MIER1: variants seen among roughly 807,000 people sequenced by gnomAD.
The protein encoded by MIER1 is MIER1 transcriptional regulator.
Under a neutral mutation model 75.7 loss-of-function variants are expected in MIER1, and 40 were observed. The observed-to-expected ratio is 0.53, with a 90% CI of 0.41 to 0.69. The LOEUF (loss-of-function observed/expected upper bound fraction) is 0.69. MIER1 is among the 30% of genes least tolerant of loss of function. The pLI, the probability that MIER1 is intolerant of heterozygous loss-of-function variation, is 0.00. For synonymous variants in MIER1, 213 were observed against 223.4 expected (o/e 0.95, Z 0.42); for missense variants, 574 against 680.2 (o/e 0.84, Z 1.74).
intron 5 of MIER1, 121 bp downstream of exon 5, chr1:66,958,341 T>A: frequency 1.5e-6 from 1 of 662,506 alleles, no homozygotes; most frequent in Non-Finnish European, 2.3e-6. Context: ...TGTTAAAAAT[T>A]AAGATATTAC....
chr1:66,957,720 T>C (rs1330442288), intron 4 of MIER1, among the ~76,000 whole-genome samples: 3 of 152,162 alleles, frequency 2.0e-5, no homozygotes, highest in East Asian at 3.9e-4. Flanking sequence ...GGTACTCTTA[T>C]TAAGAGTGGG....
intron 3 of MIER1, among the ~76,000 whole-genome samples, chr1:66,943,922 C>T (rs776661579): frequency 2.6e-5 from 4 of 152,040 alleles, no homozygotes; most frequent in Admixed American, 6.5e-5. Context: ...ATTCAAATTC[C>T]GTCTTTGCCA....
At chr1:66,971,212 C>G (rs1343037416) in intron 9 of MIER1, among the ~76,000 whole-genome samples, 6 of 152,086 alleles carry the variant, frequency 3.9e-5, no homozygotes, top group Non-Finnish European at 4.4e-5. Flanking sequence ...ATTCCTTTGG[C>G]TATCCCTAAG....
chr1:66,927,732 A>G (rs1403328388), intron 2 of MIER1, among the ~76,000 whole-genome samples: 1 of 152,124 alleles, frequency 6.6e-6, no homozygotes, highest in Admixed American at 6.5e-5. Flanking sequence ...TGAAAAGAGC[A>G]GCCTTTTTAT....
intron 3 of MIER1, among the ~76,000 whole-genome samples, chr1:66,943,975 A>G (rs2101400545): frequency 7.6e-6 from 1 of 132,348 alleles, no homozygotes; most frequent in Non-Finnish European, 1.6e-5. Context: ...TGAAATCTCT[A>G]AGCCTTGAGT....
In MIER1 at chr1:66,933,618, G is replaced by A. The variant is rs1189215875; in HGVS notation, c.169-6410G>A. On this transcript the variant is annotated intron_variant, in intron 2 of 13. Coordinates refer to ENST00000401041, the MANE Select transcript of MIER1 (RefSeq NM_001077700.3). ...ATGAAAACATTAATTTCTACTCTAA[G>A]CAAAATGTGTTTCACTGCAGTGAAT... Among the ~76,000 whole-genome samples, 5 of 152,138 alleles carry A rather than the reference G, an allele frequency of 3.3e-5. No individual in the cohort carries two copies. In the East Asian group the frequency reaches 5.8e-4, roughly 18 times the overall value.
intron 2 of MIER1, among the ~76,000 whole-genome samples, chr1:66,938,794 A>G (rs1480217579): frequency 6.6e-6 from 1 of 152,136 alleles, no homozygotes; most frequent in Non-Finnish European, 1.5e-5. Context: ...TTGCTAGACA[A>G]TGCTATAGGA....
chr1:66,985,426 A>T lies in MIER1; in HGVS notation c.*526A>T. The T allele has an allele frequency of 2.0e-6, 2 of 982,164 alleles. No individual in the cohort carries two copies. Among genetic ancestry groups the T allele is most frequent in the Non-Finnish European group, 2.4e-6 (2 of 826,848 alleles). The allele number at this position is 982,164 out of a possible 1,614,324, so 60.8% of individuals were successfully genotyped here. Reference sequence around the variant, plus strand: ...GAAACCCTTACGAATCCTGAAAATTATGCTAGCATGATTTTTTTATATATA... The same window carrying T: ...GAAACCCTTACGAATCCTGAAAATTTTGCTAGCATGATTTTTTTATATATA... On this transcript the variant is annotated 3_prime_UTR_variant, in exon 14 of 14. Transcript: ENST00000401041.
intron 4 of MIER1, 121 bp downstream of exon 4, chr1:66,946,416 T>A (rs769005600): frequency 2.5e-5 from 35 of 1,398,598 alleles, no homozygotes; most frequent in Non-Finnish European, 3.2e-5. Flanking sequence ...GACTGAAAAA[T>A]TTTGTGTGAT....
intron 3 of MIER1, 118 bp from the exon 4 acceptor site, chr1:66,946,032 C>A: frequency 1.2e-6 from 1 of 866,068 alleles, no homozygotes; most frequent in Non-Finnish European, 1.7e-6. Context: ...AGTTGCTGTG[C>A]GTAGCTTTTT....
intron 4 of MIER1, 38 bp downstream of exon 4, chr1:66,946,333 G>T: frequency 1.3e-6 from 2 of 1,511,522 alleles, no homozygotes; most frequent in South Asian, 2.7e-5. Context: ...AATTGGTTAT[G>T]ACTTTTTTGT....
At position 66,947,794 on chromosome 1, in the gene MIER1, C is replaced by A. The variant is rs74081537; in HGVS notation, c.339+1499C>A. The A allele has an allele frequency of 4.5e-3, 1,472 of 330,406 alleles. 17 individuals are homozygous for A. The highest frequency in any genetic ancestry group is 0.018 in the African/African-American group (818 of 44,404). 20.5% of individuals were successfully genotyped at this position (330,406 alleles called of 1,614,324 possible). A position where few individuals can be genotyped will look rare whatever the true frequency, so the allele number is the denominator to read the frequency against. On this transcript the variant is annotated intron_variant, in intron 4 of 13. Coordinates refer to ENST00000401041, the MANE Select transcript of MIER1 (RefSeq NM_001077700.3). ...ACCTGCATGATAATGGCCTCTTACCCATGTATCACACTACCTCTGTTATAG... is the reference window on the plus strand; with the variant it reads ...ACCTGCATGATAATGGCCTCTTACCAATGTATCACACTACCTCTGTTATAG...
At chr1:66,936,172 C>T (rs1654784184) in intron 2 of MIER1, among the ~76,000 whole-genome samples, 1 of 151,922 alleles carries the variant, frequency 6.6e-6, no homozygotes, top group Admixed American at 6.6e-5. Context: ...GGTATTTTTT[C>T]TAAAAATAGG....
intron 3 of MIER1, among the ~76,000 whole-genome samples, chr1:66,944,916 G>A (rs570228679): frequency 6.6e-6 from 1 of 151,796 alleles, no homozygotes; most frequent in Non-Finnish European, 1.5e-5. Flanking sequence ...TGTAGAGACG[G>A]TGTCTCATTA....
chr1:66,969,521 G>C (rs1014915143), intron 8 of MIER1, among the ~76,000 whole-genome samples: 5 of 128,546 alleles, frequency 3.9e-5, no homozygotes, highest in Non-Finnish European at 7.7e-5. Flanking sequence ...CTCCAGCCTG[G>C]GCAACAGAGC....
rs560263304 is a variant in MIER1 at position 66,959,593 on chromosome 1, A to G, written c.635-86A>G. On this transcript the variant is annotated intron_variant, in intron 6 of 13. Coordinates refer to ENST00000401041, the MANE Select transcript of MIER1 (RefSeq NM_001077700.3). ...ATTAGATATCTTTGAGCATATCCAA[A>G]TATTTGATGGTAGATGTAAAAATAA... 4.9e-5 allele frequency: 33 copies of G among 670,316 alleles called. 1 individual carries two copies. The highest frequency in any genetic ancestry group is 3.9e-4 in the South Asian group (17 of 44,006). The allele number at this position is 670,316 out of a possible 1,614,324, so 41.5% of individuals were successfully genotyped here.
At chr1:66,968,434 CTTTTT>C (rs35832076) in intron 8 of MIER1, among the ~76,000 whole-genome samples, 2 of 149,036 alleles carry the variant, frequency 1.3e-5, no homozygotes, top group Non-Finnish European at 3.0e-5. Flanking sequence ...TGAACACAGA[CTTTTT>C]TTTTTAAGTG....
At chr1:66,973,779 A>G (rs1245980138) in intron 11 of MIER1, among the ~76,000 whole-genome samples, 2 of 152,140 alleles carry the variant, frequency 1.3e-5, no homozygotes, top group Non-Finnish European at 2.9e-5. Flanking sequence ...ATTAATTCCC[A>G]GGCTTATGAT....
chr1:66,984,070 TAA>T (rs1217181021), intron 13 of MIER1, among the ~76,000 whole-genome samples: 1 of 152,228 alleles, frequency 6.6e-6, no homozygotes, highest in Non-Finnish European at 1.5e-5. Context: ...ACATTAAGAA[TAA>T]AAAAGTCATG....
Sources: gnomAD v4.1 joint callset for allele counts (sites outside exome capture counted in the v4.1 genomes callset) on GRCh38, gnomAD v4.1.1 for gene constraint, MANE v1.5 for transcripts, NCBI Gene and HGNC (gene_info 2026-07-23, HGNC 2026-07-21) for gene names.